The following CCNY variants were observed in gnomAD, a reference collection of about 807,000 sequenced individuals.
CCNY encodes cyclin Y.
In CCNY, 19 loss-of-function variants were observed where a neutral mutation model predicts 42.8. The ratio of observed to expected loss-of-function variants is 0.44; its 90% CI spans 0.31 to 0.65. The LOEUF is 0.65. Among genes scored for constraint, CCNY ranks in the 30% least tolerant of loss-of-function variants. The probability of loss-of-function intolerance (pLI) is 0.07; values close to 1 mark genes in which losing one functional copy is unlikely to be tolerated. For missense variants in CCNY, 370 were observed against 437.3 expected (o/e 0.85, Z 1.37); for synonymous variants, 165 against 162.7 (o/e 1.01, Z -0.11).
chr10:35,409,003 T>A (rs1246356622), intron 1 of CCNY, among the ~76,000 whole-genome samples: 1 of 152,144 alleles, frequency 6.6e-6, no homozygotes, highest in East Asian at 1.9e-4. Context: ...TTATTTTGTC[T>A]TGACCCAATG....
chr10:35,556,798 G>A (rs192506304), intron 8 of CCNY, among the ~76,000 whole-genome samples: 105 of 152,032 alleles, frequency 6.9e-4, no homozygotes, highest in Non-Finnish European at 1.4e-3. Flanking sequence ...ATACATTTTG[G>A]CCTGTTTATC....
At chr10:35,480,094 C>A (rs187180247) in intron 1 of CCNY, among the ~76,000 whole-genome samples, 2 of 152,062 alleles carry the variant, frequency 1.3e-5, no homozygotes, top group African/African-American at 4.8e-5. Context: ...TCACCTCATC[C>A]GTGAATTTCA....
intron 5 of CCNY, among the ~76,000 whole-genome samples, chr10:35,527,087 C>T (rs566978599): frequency 6.6e-6 from 1 of 151,952 alleles, no homozygotes; most frequent in African/African-American, 2.4e-5. Context: ...CAGAAGCAGA[C>T]ACCTAGAAAG....
intron 1 of CCNY, among the ~76,000 whole-genome samples, chr10:35,467,400 A>G (rs909361159): frequency 6.6e-6 from 1 of 152,184 alleles, no homozygotes; most frequent in Admixed American, 6.5e-5. Context: ...CTGGTGTGGA[A>G]AAATAGCAGC....
chr10:35,251,439 G>A (rs1041909084), intron 3 of CCNY, among the ~76,000 whole-genome samples: 5 of 152,078 alleles, frequency 3.3e-5, no homozygotes, highest in African/African-American at 1.2e-4. Flanking sequence ...GCTCATGTTA[G>A]GTTTATAGTA....
intron 8 of CCNY, among the ~76,000 whole-genome samples, chr10:35,565,679 G>A (rs1054552793): frequency 1.3e-5 from 2 of 152,214 alleles, no homozygotes; most frequent in South Asian, 2.1e-4. Flanking sequence ...TGGACTCCAC[G>A]TGGCAGCTCT....
At chr10:35,365,440 G>A (rs983667107) in intron 1 of CCNY, among the ~76,000 whole-genome samples, 1 of 152,152 alleles carries the variant, frequency 6.6e-6, no homozygotes, top group African/African-American at 2.4e-5. Flanking sequence ...ATTTATTTCT[G>A]TGTTTCCTAC....
rs142689958 is a variant in CCNY at position 35,512,755 on chromosome 10, C to T, written c.265-3768C>T. On this transcript the variant is annotated intron_variant, in intron 3 of 9. Transcript: ENST00000374704. ...GGTTGAGGGGACGCTGTCTGGTGGC[C>T]TCTGGGTTCTGTGACTCAAACTCCC... 8.5e-5 allele frequency among the ~76,000 whole-genome samples: 13 copies of T among 152,174 alleles called. No homozygotes were observed. The East Asian group carries it at 2.5e-3, about 29-fold the overall frequency.
At chr10:35,370,337 G>T (rs1836903549) in intron 1 of CCNY, among the ~76,000 whole-genome samples, 1 of 152,000 alleles carries the variant, frequency 6.6e-6, no homozygotes, top group Admixed American at 6.6e-5. Flanking sequence ...ATTTTTAGTA[G>T]AGACGGGGTT....
chr10:35,343,382 CTTTTTTTTTT>C lies in CCNY; in HGVS notation c.154+6190_154+6199del, dbSNP rs9299720. 3.4e-3 allele frequency among the ~76,000 whole-genome samples: 288 copies of C among 85,906 alleles called. 3 individuals are homozygous for C. The highest frequency in any genetic ancestry group is 0.013 in the African/African-American group (260 of 19,904). 56.4% of individuals were successfully genotyped at this position (85,906 alleles called of 152,430 possible). On this transcript the variant is annotated intron_variant, in intron 1 of 9. Coordinates refer to ENST00000374704, the MANE Select transcript of CCNY (RefSeq NM_145012.6). ...CACCCTCCTCTACAAAGCTGATGGT[CTTTTTTTTTT>C]TTTTTTTTTTTTTTGAAACGGAGTT...
At chr10:35,249,753 T>C (rs1320732601) in intron 2 of CCNY, among the ~76,000 whole-genome samples, 1 of 152,170 alleles carries the variant, frequency 6.6e-6, no homozygotes, top group Non-Finnish European at 1.5e-5. Context: ...GAAAAAGATC[T>C]GGGATCTAAA....
At position 35,530,360 on chromosome 10, in the gene CCNY, A is replaced by T. The variant is rs1001888885; in HGVS notation, c.579+117A>T. 5.6e-6 allele frequency: 7 copies of T among 1,245,434 alleles called. No individual in the cohort carries two copies. Among genetic ancestry groups the T allele is most frequent in the South Asian group, 1.3e-5 (1 of 75,452 alleles). The allele number at this position is 1,245,434 out of a possible 1,614,324, so 77.1% of individuals were successfully genotyped here. A position where few individuals can be genotyped will look rare whatever the true frequency, so the allele number is the denominator to read the frequency against. On this transcript the variant is annotated intron_variant, in intron 7 of 9. Transcript: ENST00000374704. This position sits in a 1 kb window ranked among gnomAD's most constrained non-coding sequence, Gnocchi z 4.3. ...ATCCTCACCAGGTTACCCTGTGGACACCGTGGCATAAGCTTCAGTGTTGTC... is the reference window on the plus strand; with the variant it reads ...ATCCTCACCAGGTTACCCTGTGGACTCCGTGGCATAAGCTTCAGTGTTGTC...
intron 2 of CCNY, among the ~76,000 whole-genome samples, chr10:35,249,396 C>T (rs1038074843): frequency 6.6e-6 from 1 of 152,108 alleles, no homozygotes; most frequent in Non-Finnish European, 1.5e-5. Context: ...GTGGAGATTA[C>T]AGAAAATCCC....
chr10:35,290,008 G>A (rs1034001460), intron 3 of CCNY, among the ~76,000 whole-genome samples: 7 of 151,674 alleles, frequency 4.6e-5, no homozygotes, highest in African/African-American at 1.5e-4. Flanking sequence ...GGCGGATCAC[G>A]AGGTCAGGAA....
intron 7 of CCNY, among the ~76,000 whole-genome samples, chr10:35,536,225 T>C (rs1347540920): frequency 6.6e-6 from 1 of 152,134 alleles, no homozygotes; most frequent in Non-Finnish European, 1.5e-5. Context: ...TTTGCATCCT[T>C]CTTATTTTCT....
intron 5 of CCNY, among the ~76,000 whole-genome samples, chr10:35,529,726 C>T (rs1215847721): frequency 3.3e-5 from 5 of 151,640 alleles, no homozygotes; most frequent in South Asian, 2.1e-4. Context: ...AAAAATTAGC[C>T]GGGTGTGGTG....
At chr10:35,325,479 CTTTTT>C (rs1207832860) in intron 3 of CCNY, among the ~76,000 whole-genome samples, 1 of 132,880 alleles carries the variant, frequency 7.5e-6, no homozygotes, top group Non-Finnish European at 1.6e-5. Context: ...AGCACAGACC[CTTTTT>C]TTTTTTTTTT....
chr10:35,291,824 C>T (rs1254937995), intron 3 of CCNY, among the ~76,000 whole-genome samples: 7 of 152,128 alleles, frequency 4.6e-5, no homozygotes, highest in Admixed American at 3.3e-4. Context: ...CATGAGCCAC[C>T]GTGCCCAGCT....
At chr10:35,478,346 A>G (rs1483051950) in intron 1 of CCNY, among the ~76,000 whole-genome samples, 1 of 151,988 alleles carries the variant, frequency 6.6e-6, no homozygotes, top group African/African-American at 2.4e-5. Flanking sequence ...TCCTAAGCCA[A>G]AAGAACAAAG....
Sources: gnomAD v4.1 joint callset for allele counts (sites outside exome capture counted in the v4.1 genomes callset) on GRCh38, gnomAD v4.1.1 for gene constraint, Gnocchi (gnomAD v3.1) non-coding constraint, MANE v1.5 for transcripts, NCBI Gene and HGNC (gene_info 2026-07-23, HGNC 2026-07-21) for gene names.